The following OSBPL9 variants were observed in gnomAD, a reference collection of about 807,000 sequenced individuals.
OSBPL9 encodes oxysterol-binding protein-related protein 9.
OSBPL9 carries 40 observed loss-of-function variants against 106.6 expected under a neutral mutation model. The observed-to-expected ratio is 0.38, with a 90% CI of 0.29 to 0.49. The LOEUF is 0.49. OSBPL9 is among the 20% of genes least tolerant of loss of function. The pLI is 0.97. For synonymous variants in OSBPL9, 269 were observed against 295.4 expected, an observed-to-expected ratio of 0.91 and a Z score of 0.92; for missense variants, 609 against 887.2, an observed-to-expected ratio of 0.69 and a Z score of 3.98.
At chr1:51,527,530 A>T in the OSBPL9 span, among the ~76,000 whole-genome samples, 1 of 152,052 alleles carries the variant, frequency 6.6e-6, no homozygotes, top group African/African-American at 2.4e-5. Flanking sequence ...AGTAGCTGGG[A>T]CTACAGACAC....
chr1:51,675,523 T>C (rs542217608), intron 3 of OSBPL9, among the ~76,000 whole-genome samples: 2 of 152,216 alleles, frequency 1.3e-5, no homozygotes, highest in African/African-American at 4.8e-5. Context: ...ATTAAAGCCA[T>C]GGTAGTCTTG....
At chr1:51,520,939 A>G in the OSBPL9 span, among the ~76,000 whole-genome samples, 2 of 152,236 alleles carry the variant, frequency 1.3e-5, no homozygotes, top group Admixed American at 1.3e-4. Flanking sequence ...ATACTGTTTT[A>G]CATTACTTCA....
the OSBPL9 span, among the ~76,000 whole-genome samples, chr1:51,528,241 TGCAGATGAGATGA>T: frequency 1.4e-3 from 206 of 152,320 alleles, no homozygotes; most frequent in African/African-American, 4.8e-3. Context: ...AAACTATATT[TGCAGATGAGATGA>T]TCTTGTATAT....
chr1:51,765,705 A>G (rs1413153801), intron 11 of OSBPL9, 117 bp from the exon 12 acceptor site: 1 of 930,266 alleles, frequency 1.1e-6, no homozygotes. Context: ...TACTGTAGCG[A>G]CTTTTACAAA....
the OSBPL9 span, among the ~76,000 whole-genome samples, chr1:51,535,781 T>A: frequency 6.6e-6 from 1 of 152,094 alleles, no homozygotes; most frequent in Non-Finnish European, 1.5e-5. Context: ...GGTCTCGAAC[T>A]CTTGACCTCA....
the OSBPL9 span, among the ~76,000 whole-genome samples, chr1:51,525,776 T>A: frequency 6.6e-6 from 1 of 152,210 alleles, no homozygotes; most frequent in South Asian, 2.1e-4. Context: ...GATCTATTTT[T>A]ATTTATTTAC....
chr1:51,544,350 GA>G, the OSBPL9 span, among the ~76,000 whole-genome samples: 930 of 150,576 alleles, frequency 6.2e-3, 9 homozygotes, highest in African/African-American at 0.021. Context: ...ATCTCTGAAG[GA>G]AAAAAAAAGA....
At position 51,772,174 on chromosome 1, in the gene OSBPL9, G is replaced by A. The variant is rs778057208; in HGVS notation, c.1043G>A (p.Ser348Asn). Residue 348 changes from serine to asparagine, a missense_variant, in exon 13 of 24, where the codon AGT (serine) becomes AAT (asparagine). Around this residue, in one of 5 missense-constraint regions of OSBPL9, gnomAD observed 356 missense variants for 505.8 expected, o/e 0.70. Transcript: ENST00000428468. ...AATTCTTCCTTGTCCAATGGAACAA[G>A]TGATGCTGGTAAGTGACCTTTGATA... ...SLNSSLSNGT[S>N]DADLFDSHDD... The A allele has an allele frequency of 8.7e-6, 14 of 1,609,114 alleles. No homozygotes were observed. The highest frequency in any genetic ancestry group is 1.1e-5 in the Non-Finnish European group (13 of 1,176,742).
At chr1:51,705,022 C>G (rs1658126037) in intron 3 of OSBPL9, among the ~76,000 whole-genome samples, 1 of 152,054 alleles carries the variant, frequency 6.6e-6, no homozygotes, top group Non-Finnish European at 1.5e-5. Context: ...ATTTAGTTTT[C>G]TTTAGAAGCT....
In OSBPL9 at chr1:51,787,342, CTT is replaced by C. The variant is rs541120914; in HGVS notation, c.2001-9_2001-8del. The stretch of plus-strand genomic sequence containing the variant: ...TCAACATTGGCAGCTCCTCTTACCT[CTT>C]TGTTTTAGCCTTTGGAAGGATGTCA... On this transcript the variant is annotated splice_polypyrimidine_tract_variant and intron_variant, in intron 22 of 23. Transcript: ENST00000428468. 8 of 1,613,286 alleles carry C rather than the reference CTT, an allele frequency of 5.0e-6. No individual in the cohort carries two copies. The highest frequency in any genetic ancestry group is 2.2e-5 in the East Asian group (1 of 44,888).
chr1:51,690,021 C>A (rs1654631891), intron 3 of OSBPL9, among the ~76,000 whole-genome samples: 1 of 152,144 alleles, frequency 6.6e-6, no homozygotes, highest in South Asian at 2.1e-4. Context: ...TAAAACCATC[C>A]TATTTCTAAC....
At chr1:51,696,500 G>A (rs1387923342) in intron 3 of OSBPL9, among the ~76,000 whole-genome samples, 2 of 152,118 alleles carry the variant, frequency 1.3e-5, no homozygotes, top group Non-Finnish European at 2.9e-5. Context: ...TTTTAGAAAA[G>A]GCAAGTTCAG....
At chr1:51,628,960 G>C (rs1447637373) in intron 1 of OSBPL9, among the ~76,000 whole-genome samples, 1 of 152,114 alleles carries the variant, frequency 6.6e-6, no homozygotes, top group African/African-American at 2.4e-5. Context: ...TTACAGGCCT[G>C]AGCTACCATG....
At chr1:51,635,096 T>C (rs1407811302) in intron 1 of OSBPL9, among the ~76,000 whole-genome samples, 2 of 152,142 alleles carry the variant, frequency 1.3e-5, no homozygotes, top group African/African-American at 4.8e-5. Context: ...GGCCGTCTTG[T>C]TATGCAGGAG....
At chr1:51,785,771 A>T (rs772586847) in intron 20 of OSBPL9, 37 bp from the exon 21 acceptor site, 1 of 1,583,962 alleles carries the variant, frequency 6.3e-7, no homozygotes, top group South Asian at 1.1e-5. Context: ...AGAATTTTCA[A>T]CTTGAGACTA....
intron 1 of OSBPL9, chr1:51,583,334 A>G (rs1645231216): frequency 6.6e-6 from 1 of 152,230 alleles, no homozygotes; most frequent in Non-Finnish European, 1.5e-5. Flanking sequence ...ACTATGTACC[A>G]GACACTGTGC....
chr1:51,686,036 G>A (rs184366405), intron 3 of OSBPL9, among the ~76,000 whole-genome samples: 145 of 152,272 alleles, frequency 9.5e-4, no homozygotes, highest in African/African-American at 3.4e-3. Context: ...CTTGAATATG[G>A]ATGATTTAAA....
chr1:51,765,796 T>C, intron 11 of OSBPL9, 26 bp from the exon 12 acceptor site: 5 of 1,569,976 alleles, frequency 3.2e-6, no homozygotes, highest in Non-Finnish European at 4.3e-6. Flanking sequence ...CCAATATTTT[T>C]CTCTAAAACC....
At chr1:51,607,302 C>A (rs1012965307) in intron 2 of OSBPL9, among the ~76,000 whole-genome samples, 1 of 151,542 alleles carries the variant, frequency 6.6e-6, no homozygotes, top group Non-Finnish European at 1.5e-5. Context: ...GCTGGGATCA[C>A]AAGTGTGCAC....
Sources: gnomAD v4.1 joint callset for allele counts (sites outside exome capture counted in the v4.1 genomes callset) on GRCh38, gnomAD v4.1.1 for gene constraint, gnomAD v4.1.1 regional missense constraint, MANE v1.5 for transcripts, NCBI Gene and HGNC (gene_info 2026-07-23, HGNC 2026-07-21) for gene names.